Variants in TSPAN16 observed in about 807,000 individuals in gnomAD.
The protein encoded by TSPAN16 is tetraspanin 16, also known as tetraspanin-16.
A neutral mutation model predicts 25.2 loss-of-function variants in TSPAN16; 23 were observed. The observed-to-expected ratio is 0.91, with a 90% CI of 0.66 to 1.29. TSPAN16 has a LOEUF of 1.29. TSPAN16 is among the 50% of genes most tolerant of loss of function. TSPAN16 has a pLI of 0.00. For missense variants in TSPAN16, 272 were observed against 299.9 expected (o/e 0.91, Z 0.69); for synonymous variants, 123 against 124.4 (o/e 0.99, Z 0.08).
chr19:11,320,012 G>A (rs2080768437), downstream of TSPAN16, among the ~76,000 whole-genome samples: 2 of 151,570 alleles, frequency 1.3e-5, no homozygotes, highest in Non-Finnish European at 2.9e-5. Flanking sequence ...TGGAGACGGG[G>A]TCTTACCGTG....
intron 4 of TSPAN16, among the ~76,000 whole-genome samples, chr19:11,303,632 C>G (rs901627585): frequency 2.0e-5 from 3 of 150,840 alleles, no homozygotes; most frequent in African/African-American, 7.4e-5. Flanking sequence ...AACTCAGCCT[C>G]CCAAAGTGCT....
chr19:11,303,674 A>C (rs1435797764), intron 4 of TSPAN16, among the ~76,000 whole-genome samples: 1 of 148,330 alleles, frequency 6.7e-6, no homozygotes, highest in African/African-American at 2.5e-5. Context: ...ACACTGGCCT[A>C]CGTTTTTTGA....
chr19:11,312,324 A>T (rs2080701809), intron 6 of TSPAN16, 102 bp downstream of exon 6: 36 of 196,618 alleles, frequency 1.8e-4, no homozygotes, highest in East Asian at 3.7e-4. Flanking sequence ...AACAAAACTA[A>T]AAAAAAAAAA....
chr19:11,302,656 C>T (rs1457657161), intron 4 of TSPAN16, among the ~76,000 whole-genome samples: 1 of 98,230 alleles, frequency 1.0e-5, no homozygotes, highest in East Asian at 2.3e-4. Flanking sequence ...TATATATACA[C>T]ATACATATAT....
At chr19:11,310,165 T>C (rs1256728291) in intron 5 of TSPAN16, among the ~76,000 whole-genome samples, 2 of 151,408 alleles carry the variant, frequency 1.3e-5, no homozygotes, top group Non-Finnish European at 2.9e-5. Flanking sequence ...AAGTTCAATG[T>C]GGCCCAAGCC....
intron 6 of TSPAN16, chr19:11,325,115 C>T: frequency 2.9e-6 from 1 of 342,988 alleles, no homozygotes; most frequent in East Asian, 5.5e-5. Context: ...TGGCCACCCT[C>T]AACACACCCT....
At chr19:11,311,416 G>A (rs1475267930) in intron 5 of TSPAN16, among the ~76,000 whole-genome samples, 1 of 151,034 alleles carries the variant, frequency 6.6e-6, no homozygotes, top group African/African-American at 2.4e-5. Context: ...TTATAGGCAT[G>A]AACCACCACG....
At position 11,312,212 on chromosome 19, in the gene TSPAN16, C is replaced by A. The variant is rs1433000424; in HGVS notation, c.677C>A (p.Ala226Glu). 1.2e-6 allele frequency: 2 copies of A among 1,610,930 alleles called. No individual in the cohort carries two copies. Among genetic ancestry groups the A allele is most frequent in the South Asian group, 2.2e-5 (2 of 90,650 alleles). The change falls in exon 6 of 7, where the codon GCA becomes GAA. Residue 226 changes from alanine (A) to glutamate (E), a missense_variant. Transcript: ENST00000590327. Reference protein sequence around the residue: ...FTLSGSSLGAAVIQLPGILAT... With the variant: ...FTLSGSSLGAEVIQLPGILAT... Reference sequence around the variant, plus strand: ...CTGAGTGGGAGCTCTCTGGGAGCTGCAGTGATACAGGTAAGACCCAGCCTC... The same window carrying A: ...CTGAGTGGGAGCTCTCTGGGAGCTGAAGTGATACAGGTAAGACCCAGCCTC...
rs151178523 is a variant in TSPAN16, at chr19:11,300,857, C to T, written c.343-344C>T. 13 of 179,068 alleles carry T rather than the reference C, an allele frequency of 7.3e-5. No homozygotes were observed. The East Asian group carries it at 1.6e-3, about 22-fold the overall frequency. The allele number at this position is 179,068 out of a possible 1,614,324, so 11.1% of individuals were successfully genotyped here. A position where few individuals can be genotyped will look rare whatever the true frequency, so the allele number is the denominator to read the frequency against. ...GCCCCTTTTGTGCAGACAGAGATTC[C>T]GTGGAAGATGATATTCAATTCTTTA... On this transcript the variant is annotated intron_variant, in intron 3 of 6. Transcript: ENST00000590327.
At chr19:11,326,473 G>C (rs1415065010) in intron 6 of TSPAN16, among the ~76,000 whole-genome samples, 1 of 152,206 alleles carries the variant, frequency 6.6e-6, no homozygotes, top group Non-Finnish European at 1.5e-5. Context: ...CAAGAGTATA[G>C]GTGGGAGGGT....
intron 4 of TSPAN16, among the ~76,000 whole-genome samples, chr19:11,301,975 C>A (rs2080555898): frequency 6.6e-6 from 1 of 151,828 alleles, no homozygotes; most frequent in South Asian, 2.1e-4. Context: ...AGGCGCCCAC[C>A]ACCACACCTG....
intron 6 of TSPAN16, chr19:11,325,585 C>T: frequency 6.2e-7 from 1 of 1,604,716 alleles, no homozygotes; most frequent in South Asian, 1.1e-5. Context: ...GAACTCGAAA[C>T]CTGGATGAAT....
In TSPAN16 at chr19:11,296,216, T is replaced by C. The variant is rs1477673222; in HGVS notation, c.-82T>C. 1.6e-5 allele frequency: 23 copies of C among 1,447,324 alleles called. No homozygotes were observed. The highest frequency in any genetic ancestry group is 2.1e-5 in the Non-Finnish European group (22 of 1,037,114). 89.7% of individuals were successfully genotyped at this position (1,447,324 alleles called of 1,614,324 possible). A position where few individuals can be genotyped will look rare whatever the true frequency, so the allele number is the denominator to read the frequency against. On this transcript the variant is annotated 5_prime_UTR_variant, in exon 1 of 7. Coordinates refer to ENST00000590327, the MANE Select transcript of TSPAN16 (RefSeq NM_001282509.2). ...TCAGCATTGGCGCCCCTTCCTCAGA[T>C]CCCTATCATCTTGGGAAACAGTAGC...
intron 6 of TSPAN16, chr19:11,322,467 G>C (rs1283513000): frequency 6.6e-6 from 1 of 152,170 alleles, no homozygotes. Context: ...GGAAGGCACT[G>C]GTTAGTGGGT....
chr19:11,319,602 C>CAAACAAAACA (rs993288029), downstream of TSPAN16, among the ~76,000 whole-genome samples: 6 of 151,102 alleles, frequency 4.0e-5, no homozygotes, highest in Non-Finnish European at 8.8e-5. Context: ...TGTCTCAAAA[C>CAAACAAAACA]AAACAAAACA....
intron 4 of TSPAN16, among the ~76,000 whole-genome samples, chr19:11,303,041 C>G (rs1021172163): frequency 1.5e-4 from 22 of 150,838 alleles, no homozygotes; most frequent in Non-Finnish European, 2.6e-4. Context: ...CCGCCACCAC[C>G]CCGTCTGGGA....
intron 1 of TSPAN16, 96 bp downstream of exon 1, chr19:11,296,462 C>A: frequency 1.5e-6 from 2 of 1,336,152 alleles, no homozygotes; most frequent in Non-Finnish European, 2.1e-6. Flanking sequence ...AAATTGGCAT[C>A]GAGATCTGTG....
intron 4 of TSPAN16, among the ~76,000 whole-genome samples, chr19:11,305,097 A>G (rs1171632171): frequency 6.6e-6 from 1 of 152,118 alleles, no homozygotes; most frequent in Non-Finnish European, 1.5e-5. Flanking sequence ...GCCTTTCTGC[A>G]TGCTGCTTTT....
Position 11,303,585 on chromosome 19 carries a change from A to C in TSPAN16, c.450+2277A>C, listed in dbSNP as rs952019241. On this transcript the variant is annotated intron_variant, in intron 4 of 6. Coordinates refer to ENST00000590327, the MANE Select transcript of TSPAN16 (RefSeq NM_001282509.2). Reference sequence around the variant, plus strand: ...TAAATAAATAAATAAATTAAAAAAAAAAAAAAAAAAAACTCCTGGCCTCAA... The same window carrying C: ...TAAATAAATAAATAAATTAAAAAAACAAAAAAAAAAAACTCCTGGCCTCAA... 8.1e-5 allele frequency among the ~76,000 whole-genome samples: 12 copies of C among 147,676 alleles called. No homozygotes were observed. The East Asian group carries it at 2.4e-3, about 29-fold the overall frequency.
Sources: allele counts gnomAD v4.1 joint callset (sites outside exome capture counted in the v4.1 genomes callset), GRCh38; gene constraint gnomAD v4.1.1; transcripts MANE v1.5; gene names NCBI Gene and HGNC (gene_info 2026-07-23, HGNC 2026-07-21).